The following LINGO2 variants were observed in gnomAD, a reference collection of about 807,000 sequenced individuals.
LINGO2 encodes the protein leucine rich repeat and Ig domain containing 2, also known as leucine-rich repeat and immunoglobulin-like domain-containing nogo receptor-interacting protein 2.
A neutral mutation model predicts 30.6 loss-of-function variants in LINGO2; 14 were observed. The observed-to-expected ratio is 0.46, with a 90% CI of 0.30 to 0.72. LINGO2 has a LOEUF of 0.72. Ranked by LOEUF, LINGO2 falls within the 30% of genes least tolerant of loss-of-function variation. The pLI is 0.07. For synonymous variants in LINGO2, 317 were observed against 288.5 expected (o/e 1.10, Z -1.00); for missense variants, 729 against 751.7 (o/e 0.97, Z 0.35).
chr9:28,946,954 C>G, the LINGO2 span, among the ~76,000 whole-genome samples: 1 of 152,086 alleles, frequency 6.6e-6, no homozygotes, highest in East Asian at 1.9e-4. Context: ...CCTAAAGCAA[C>G]TAATTCCAAT....
chr9:28,317,749 A>C (rs1439424307), intron 3 of LINGO2, among the ~76,000 whole-genome samples: 2 of 152,190 alleles, frequency 1.3e-5, no homozygotes, highest in Non-Finnish European at 2.9e-5. Flanking sequence ...ATATTAATTC[A>C]TACAGGGTAC....
At chr9:28,309,886 T>C (rs1824541721) in intron 3 of LINGO2, among the ~76,000 whole-genome samples, 1 of 151,914 alleles carries the variant, frequency 6.6e-6, no homozygotes, top group Non-Finnish European at 1.5e-5. Flanking sequence ...GCTACATGGA[T>C]GGCACATCAG....
chr9:29,169,917 G>A, the LINGO2 span, among the ~76,000 whole-genome samples: 7 of 152,102 alleles, frequency 4.6e-5, no homozygotes, highest in Non-Finnish European at 1.0e-4. Flanking sequence ...AGAATGGCTT[G>A]AACCTGGGAG....
At chr9:28,589,838 T>C (rs1172944249) in intron 1 of LINGO2, among the ~76,000 whole-genome samples, 1 of 151,968 alleles carries the variant, frequency 6.6e-6, no homozygotes, top group African/African-American at 2.4e-5. Flanking sequence ...GAGCCCGCAT[T>C]GCCAAGACAA....
chr9:29,188,825 G>C, the LINGO2 span, among the ~76,000 whole-genome samples: 1 of 135,104 alleles, frequency 7.4e-6, no homozygotes, highest in South Asian at 2.3e-4. Context: ...TGGCCAGGCC[G>C]GGGGCTGACC....
chr9:29,188,725 G>A, the LINGO2 span, among the ~76,000 whole-genome samples: 61 of 121,756 alleles, frequency 5.0e-4, no homozygotes, highest in African/African-American at 6.7e-4. Context: ...CCTCCCTCTC[G>A]GATGGGGCGG....
intron 4 of LINGO2, among the ~76,000 whole-genome samples, chr9:28,268,879 T>G (rs749623230): frequency 4.6e-5 from 7 of 152,092 alleles, no homozygotes; most frequent in African/African-American, 9.7e-5. Flanking sequence ...GAGGAATAAA[T>G]TTTTTAAATC....
the LINGO2 span, among the ~76,000 whole-genome samples, chr9:28,908,976 G>A: frequency 6.6e-6 from 1 of 151,860 alleles, no homozygotes. Flanking sequence ...ATTTTAGGTT[G>A]CAATCCAATT....
At chr9:28,797,359 T>TATATATATAGAGAGAGAG in the LINGO2 span, among the ~76,000 whole-genome samples, 15 of 34,208 alleles carry the variant, frequency 4.4e-4, no homozygotes, top group East Asian at 1.6e-3. Flanking sequence ...TATATATATA[T>TATATATATAGAGAGAGAG]AGAGAGAGAG....
intron 3 of LINGO2, among the ~76,000 whole-genome samples, chr9:28,303,199 G>T (rs551978619): frequency 6.6e-6 from 1 of 152,204 alleles, no homozygotes; most frequent in African/African-American, 2.4e-5. Flanking sequence ...GTGTATATAT[G>T]TGTGTGAATA....
At chr9:28,974,330 T>C in the LINGO2 span, among the ~76,000 whole-genome samples, 2 of 152,058 alleles carry the variant, frequency 1.3e-5, no homozygotes, top group African/African-American at 4.8e-5. Context: ...TGCCTGAAGC[T>C]GGTAGGTGGA....
Position 28,346,105 on chromosome 9 carries a change from T to C in LINGO2, c.-246+26731A>G, listed in dbSNP as rs151153720. Among the ~76,000 whole-genome samples, 630 of 152,312 alleles carry C rather than the reference T, an allele frequency of 4.1e-3. 4 individuals are homozygous for C. The highest frequency in any genetic ancestry group is 6.6e-3 in the Non-Finnish European group (451 of 68,008). On this transcript the variant is annotated intron_variant, in intron 3 of 5. Coordinates refer to ENST00000379992, the Ensembl canonical transcript of LINGO2. Reference sequence around the variant, plus strand: ...AGGTTCAGGGGTACATGTGCAGGTTTGTTATATAAACTTGTGTCACAGGGG... The same window carrying C: ...AGGTTCAGGGGTACATGTGCAGGTTCGTTATATAAACTTGTGTCACAGGGG...
At chr9:29,119,416 G>T in the LINGO2 span, among the ~76,000 whole-genome samples, 1 of 151,692 alleles carries the variant, frequency 6.6e-6, no homozygotes, top group Non-Finnish European at 1.5e-5. Context: ...CAGATATTTT[G>T]CTGAGAAATT....
intron 1 of LINGO2, among the ~76,000 whole-genome samples, chr9:28,641,229 G>T (rs1317910613): frequency 6.6e-6 from 1 of 152,018 alleles, no homozygotes; most frequent in Non-Finnish European, 1.5e-5. Flanking sequence ...GTAGAGACAG[G>T]GTTTCACCAT....
At chr9:28,703,392 G>A in the LINGO2 span, among the ~76,000 whole-genome samples, 2 of 151,660 alleles carry the variant, frequency 1.3e-5, no homozygotes, top group Non-Finnish European at 3.0e-5. Context: ...ATTTAGACGT[G>A]TGTTGTTTAT....
the LINGO2 span, among the ~76,000 whole-genome samples, chr9:29,126,815 T>A: frequency 6.6e-6 from 1 of 152,132 alleles, no homozygotes; most frequent in African/African-American, 2.4e-5. Context: ...AACTTAAGGC[T>A]GATTTTCACT....
At chr9:28,689,595 T>G in the LINGO2 span, among the ~76,000 whole-genome samples, 2 of 152,246 alleles carry the variant, frequency 1.3e-5, no homozygotes, top group Non-Finnish European at 2.9e-5. Flanking sequence ...AGGAACACTT[T>G]TACACTGTTA....
chr9:28,817,776 G>A, the LINGO2 span, among the ~76,000 whole-genome samples: 4 of 152,204 alleles, frequency 2.6e-5, no homozygotes, highest in East Asian at 7.8e-4. Flanking sequence ...TGTATTTTGG[G>A]GAAGATGAAA....
the LINGO2 span, among the ~76,000 whole-genome samples, chr9:29,090,099 T>C: frequency 5.9e-5 from 9 of 152,150 alleles, no homozygotes; most frequent in South Asian, 1.7e-3. Context: ...GGTATTGAAA[T>C]ATGGGAGGTC....
Sources: allele counts gnomAD v4.1 joint callset (sites outside exome capture counted in the v4.1 genomes callset), GRCh38; gene constraint gnomAD v4.1.1; transcripts MANE v1.5; gene names NCBI Gene and HGNC (gene_info 2026-07-23, HGNC 2026-07-21).